POLA1: variants seen among roughly 807,000 people sequenced by gnomAD.
POLA1 encodes the protein DNA polymerase alpha catalytic subunit.
Under a neutral mutation model 124.0 loss-of-function variants are expected in POLA1, and 15 were observed. The ratio of observed to expected loss-of-function variants is 0.12; its 90% CI spans 0.08 to 0.19. The LOEUF (loss-of-function observed/expected upper bound fraction) is 0.19, where lower values mean the gene tolerates loss of function less well. Among genes scored for constraint, POLA1 ranks in the 10% least tolerant of loss-of-function variants. The pLI is 1.00. For synonymous variants in POLA1, 408 were observed against 389.4 expected (o/e 1.05, Z -0.56); for missense variants, 886 against 1,103.4 (o/e 0.80, Z 2.79).
At chrX:24,742,372 G>A (rs1312436451) in intron 22 of POLA1, among the ~76,000 whole-genome samples, 1 of 112,233 alleles carries the variant, frequency 8.9e-6, no homozygotes, top group Non-Finnish European at 1.9e-5. Flanking sequence ...GGAAGCATTA[G>A]ACCTCTCTGA....
At chrX:24,925,447 T>C (rs1296670662) in intron 35 of POLA1, among the ~76,000 whole-genome samples, 1 of 112,079 alleles carries the variant, frequency 8.9e-6, no homozygotes, top group Non-Finnish European at 1.9e-5. Flanking sequence ...TGTTATGAGA[T>C]GACTTTAGCT....
In POLA1 at chrX:24,868,717, CATT is replaced by C. The variant is rs1320153490; in HGVS notation, c.4048-19288_4048-19286del. On this transcript the variant is annotated intron_variant, in intron 34 of 36. Transcript: ENST00000379068. ...TCACATATTTAATGAATGCGATCAT[CATT>C]GAGTTGTTTGCTGTGAAGGGACATA... 4.5e-5 allele frequency among the ~76,000 whole-genome samples: 5 copies of C among 111,970 alleles called. No homozygotes were observed. In the East Asian group the frequency reaches 1.1e-3, roughly 25 times the overall value.
At chrX:24,752,913 T>C (rs982006683) in intron 26 of POLA1, among the ~76,000 whole-genome samples, 3 of 112,318 alleles carry the variant, frequency 2.7e-5, no homozygotes, top group Non-Finnish European at 5.6e-5. Flanking sequence ...TCAGTCACAG[T>C]ATCAGAAGCT....
In POLA1 at chrX:24,789,040, G is replaced by A. The variant is rs370229225; in HGVS notation, c.2965-20858G>A. The A allele has an allele frequency of 7.9e-4, 948 of 1,207,606 alleles. 3 individuals are homozygous for A. The highest frequency in any genetic ancestry group is 1.3e-3 in the Admixed American group (57 of 45,548). ...GGTAATCGTTGAGCACCTGGAGGCC[G>A]GCGGGGCTTTTCAGGTCTCTGAAAC... On this transcript the variant is annotated intron_variant, in intron 26 of 36. Coordinates refer to ENST00000379068, the MANE Select transcript of POLA1 (RefSeq NM_001330360.2).
intron 10 of POLA1, among the ~76,000 whole-genome samples, chrX:24,718,514 GAAGCTGGAGAT>G (rs1473729600): frequency 1.8e-5 from 2 of 112,115 alleles, no homozygotes; most frequent in African/African-American, 6.5e-5. Flanking sequence ...GGTATAAAAT[GAAGCTGGAGAT>G]AAAGACAAAG....
At chrX:24,888,601 T>A (rs1338225104) in intron 35 of POLA1, among the ~76,000 whole-genome samples, 1 of 45,139 alleles carries the variant, frequency 2.2e-5, no homozygotes, top group Non-Finnish European at 3.5e-5. Flanking sequence ...TGTTTGCTTG[T>A]TTTTTTTTTT....
chrX:24,968,946 C>T (rs1350917457), intron 36 of POLA1, among the ~76,000 whole-genome samples: 1 of 111,065 alleles, frequency 9.0e-6, no homozygotes, highest in Non-Finnish European at 1.9e-5. Context: ...CGGTGGCTCG[C>T]GCATGTAATC....
intron 34 of POLA1, among the ~76,000 whole-genome samples, chrX:24,852,340 C>T (rs1016205701): frequency 2.8e-5 from 3 of 108,121 alleles, no homozygotes; most frequent in South Asian, 4.0e-4. Context: ...GACAGAGTTT[C>T]GCTCTTGTTG....
At chrX:24,930,314 C>T (rs2047756159) in intron 35 of POLA1, 139 bp from the exon 36 acceptor site, 4 of 468,019 alleles carry the variant, frequency 8.5e-6, no homozygotes, top group Middle Eastern at 1.0e-3. Flanking sequence ...TAGTATGATT[C>T]TGCCCTTCTT....
At position 24,995,932 on chromosome X, in the gene POLA1, T is replaced by C. The variant is rs747911893; in HGVS notation, c.4389T>C (p.Gly1463=). ...SEVNLSKLFA[G]CAVKS is the part of the protein sequence containing the mutation. ...TGAATCTGAGCAAACTCTTCGCTGG[T>C]TGTGCCGTGAAATCCTAAGGGAATC... is the stretch of plus-strand genomic sequence containing the variant. The change falls in exon 37 of 37, where the codon GGT becomes GGC. Residue 1463 remains glycine (G), a synonymous_variant. Transcript: ENST00000379068. The C allele has an allele frequency of 4.1e-6, 5 of 1,207,999 alleles. No homozygotes were observed. Among genetic ancestry groups the C allele is most frequent in the Non-Finnish European group, 5.6e-6 (5 of 894,555 alleles).
At chrX:24,894,377 A>G (rs768117734) in intron 35 of POLA1, among the ~76,000 whole-genome samples, 31 of 112,290 alleles carry the variant, frequency 2.8e-4, no homozygotes, top group Non-Finnish European at 5.4e-4. Flanking sequence ...ATGTCTTATC[A>G]TGGATTTTTT....
intron 34 of POLA1, among the ~76,000 whole-genome samples, chrX:24,849,166 G>T (rs1450493212): frequency 2.7e-5 from 3 of 112,158 alleles, no homozygotes; most frequent in Non-Finnish European, 5.6e-5. Flanking sequence ...TTTCTTTTTT[G>T]TAGACTCTAA....
At chrX:24,892,658 T>A (rs2047156135) in intron 35 of POLA1, among the ~76,000 whole-genome samples, 1 of 112,043 alleles carries the variant, frequency 8.9e-6, no homozygotes, top group Non-Finnish European at 1.9e-5. Flanking sequence ...ATTATCGAAC[T>A]GGGATTTCAA....
intron 10 of POLA1, 85 bp from the exon 11 acceptor site, chrX:24,723,070 C>T (rs1270963690): frequency 4.8e-6 from 3 of 630,680 alleles, no homozygotes; most frequent in East Asian, 3.2e-5. Context: ...AATGTGTGGA[C>T]ACATTCAGTG....
chrX:24,801,962 T>TGTGTGTGTGTGTGTGA, intron 26 of POLA1, among the ~76,000 whole-genome samples: 1 of 106,633 alleles, frequency 9.4e-6, no homozygotes, highest in African/African-American at 3.5e-5. Flanking sequence ...TGTGTGTGTG[T>TGTGTGTGTGTGTGTGA]GTGTGTGTGA....
intron 26 of POLA1, among the ~76,000 whole-genome samples, chrX:24,797,660 T>G (rs936459880): frequency 1.8e-5 from 2 of 112,307 alleles, no homozygotes. Flanking sequence ...GGTGTTTGAA[T>G]GAATGAGTTC....
intron 34 of POLA1, among the ~76,000 whole-genome samples, chrX:24,879,047 T>TC: frequency 8.9e-6 from 1 of 112,018 alleles, no homozygotes; most frequent in Non-Finnish European, 1.9e-5. Context: ...GTCTTTTTTT[T>TC]GTGCATATAG....
chrX:24,725,865 T>C (rs1930508382), intron 12 of POLA1, 116 bp from the exon 13 acceptor site: 1 of 497,107 alleles, frequency 2.0e-6, no homozygotes, highest in African/African-American at 2.4e-5. Flanking sequence ...TTGGCTTCAT[T>C]TACCTTTGTG....
intron 29 of POLA1, among the ~76,000 whole-genome samples, chrX:24,813,475 C>T (rs1031133309): frequency 8.9e-6 from 1 of 112,019 alleles, no homozygotes; most frequent in African/African-American, 3.2e-5. Flanking sequence ...ATAATAAGGC[C>T]TGCTTCTTTA....
Sources: allele counts gnomAD v4.1 joint callset (sites outside exome capture counted in the v4.1 genomes callset), GRCh38; gene constraint gnomAD v4.1.1; transcripts MANE v1.5; gene names NCBI Gene and HGNC (gene_info 2026-07-23, HGNC 2026-07-21).